Variants in SCAPER observed in about 807,000 individuals in gnomAD.
The protein encoded by SCAPER is S phase cyclin A-associated protein in the endoplasmic reticulum.
A neutral mutation model predicts 182.2 loss-of-function variants in SCAPER; 98 were observed. The ratio of observed to expected loss-of-function variants is 0.54; its 90% confidence interval spans 0.46 to 0.64. The LOEUF is 0.64. SCAPER is among the 30% of genes least tolerant of loss of function. The pLI is 0.00. For missense variants in SCAPER, 1,432 were observed against 1,690.0 expected, an observed-to-expected ratio of 0.85 and a Z score of 2.68; for synonymous variants, 605 against 564.6, an observed-to-expected ratio of 1.07 and a Z score of -1.01.
chr15:76,547,148 T>C (rs2045364199), intron 23 of SCAPER, among the ~76,000 whole-genome samples: 1 of 152,178 alleles, frequency 6.6e-6, no homozygotes, highest in African/African-American at 2.4e-5. Context: ...GGTTTCCATT[T>C]ACACTCTCAC....
intron 23 of SCAPER, among the ~76,000 whole-genome samples, chr15:76,547,249 G>A (rs1320242854): frequency 1.3e-5 from 2 of 152,098 alleles, no homozygotes; most frequent in Non-Finnish European, 2.9e-5. Flanking sequence ...GGACTAAAAT[G>A]TTCTTTTAAG....
In SCAPER at chr15:76,624,034, A is replaced by G. The variant is rs951063483; in HGVS notation, c.2646-2205T>C. Among the ~76,000 whole-genome samples the G allele has an allele frequency of 2.6e-5, 4 of 152,348 alleles. No individual in the cohort carries two copies. In the East Asian group the frequency reaches 5.8e-4, roughly 22 times the overall value. ...TCCACTCTCACCACTCCTATTCAAC[A>G]TATTTTAAGTCCTAGCCAGAGCAAT... On this transcript the variant is annotated intron_variant, in intron 21 of 31. Coordinates refer to ENST00000563290, the MANE Select transcript of SCAPER (RefSeq NM_020843.4).
intron 4 of SCAPER, among the ~76,000 whole-genome samples, chr15:76,844,079 C>A (rs972913567): frequency 3.9e-5 from 6 of 152,088 alleles, no homozygotes; most frequent in Admixed American, 6.6e-5. Flanking sequence ...CTCAAATTAA[C>A]TTAAGTGATG....
intron 15 of SCAPER, among the ~76,000 whole-genome samples, chr15:76,752,810 CTGCATAACATGAA>C (rs2062173991): frequency 6.6e-6 from 1 of 151,450 alleles, no homozygotes; most frequent in South Asian, 2.1e-4. Flanking sequence ...GTGGTGATGA[CTGCATAACATGAA>C]TGCATTAAAA....
intron 1 of SCAPER, among the ~76,000 whole-genome samples, chr15:76,885,053 G>A (rs1441683370): frequency 6.6e-6 from 1 of 152,132 alleles, no homozygotes. Context: ...ATAAGCACAC[G>A]GTTTCTTTAG....
chr15:76,388,869 G>A (rs2043462947), intron 27 of SCAPER, among the ~76,000 whole-genome samples: 1 of 151,820 alleles, frequency 6.6e-6, no homozygotes, highest in African/African-American at 2.4e-5. Context: ...GCTGAGGCAG[G>A]AGAATGGCTT....
intron 24 of SCAPER, among the ~76,000 whole-genome samples, chr15:76,497,989 C>CAAAAAAAAAAAAAAAAAAA (rs747096625): frequency 3.4e-5 from 2 of 58,322 alleles, no homozygotes; most frequent in African/African-American, 1.3e-4. Context: ...GACTCCGTCT[C>CAAAAAAAAAAAAAAAAAAA]AAAAAAAAAA....
At chr15:76,410,165 C>A (rs1313969703) in intron 26 of SCAPER, among the ~76,000 whole-genome samples, 1 of 152,146 alleles carries the variant, frequency 6.6e-6, no homozygotes, top group Non-Finnish European at 1.5e-5. Context: ...CAGGGCACCC[C>A]TATATTTGTA....
intron 25 of SCAPER, among the ~76,000 whole-genome samples, chr15:76,447,251 C>T (rs74562271): frequency 0.014 from 2,185 of 152,210 alleles, 53 homozygotes; most frequent in African/African-American, 0.051. Context: ...GCTTCTTTTC[C>T]TCATCCTATA....
At chr15:76,787,692 GCA>G (rs975190682) in intron 8 of SCAPER, among the ~76,000 whole-genome samples, 4 of 152,002 alleles carry the variant, frequency 2.6e-5, no homozygotes, top group African/African-American at 9.7e-5. Context: ...CACTTAAAAC[GCA>G]CACTTTATAC....
chr15:76,658,747 G>A (rs1359512542), intron 21 of SCAPER, among the ~76,000 whole-genome samples: 1 of 152,138 alleles, frequency 6.6e-6, no homozygotes, highest in Admixed American at 6.5e-5. Context: ...ACAGTAAAGA[G>A]AGTGCAGAAA....
intron 5 of SCAPER, among the ~76,000 whole-genome samples, chr15:76,809,891 A>G (rs1374561353): frequency 6.6e-6 from 1 of 152,210 alleles, no homozygotes; most frequent in Non-Finnish European, 1.5e-5. Context: ...AGGGGCCCCC[A>G]TAACACTATC....
Position 76,753,960 on chromosome 15 carries a change from G to C in SCAPER, c.1726-12C>G, listed in dbSNP as rs769366479. Reference sequence around the variant, plus strand: ...CGGACATCCTTCTCCTACGTATAGTGAATCATCACATCCTTAATTTCAATA... The same window carrying C: ...CGGACATCCTTCTCCTACGTATAGTCAATCATCACATCCTTAATTTCAATA... On this transcript the variant is annotated splice_polypyrimidine_tract_variant and intron_variant, in intron 14 of 31. Transcript: ENST00000563290. 1.4e-5 allele frequency: 22 copies of C among 1,609,078 alleles called. No individual in the cohort carries two copies. Among genetic ancestry groups the C allele is most frequent in the South Asian group, 2.2e-5 (2 of 90,294 alleles).
intron 26 of SCAPER, among the ~76,000 whole-genome samples, chr15:76,430,925 G>A (rs907444370): frequency 2.1e-4 from 32 of 152,240 alleles, no homozygotes; most frequent in Admixed American, 1.4e-3. Context: ...GGAGGGACCC[G>A]GTGGGAGGTA....
intron 23 of SCAPER, among the ~76,000 whole-genome samples, chr15:76,506,843 TTAAG>T (rs1232012112): frequency 6.6e-6 from 1 of 152,164 alleles, no homozygotes; most frequent in Non-Finnish European, 1.5e-5. Flanking sequence ...TGGGAGAACA[TTAAG>T]TAACAATTTT....
intron 21 of SCAPER, among the ~76,000 whole-genome samples, chr15:76,644,527 C>T (rs2054377268): frequency 6.6e-6 from 1 of 151,740 alleles, no homozygotes; most frequent in African/African-American, 2.4e-5. Context: ...ACCTAAAAGT[C>T]TGAGAACTGC....
intron 20 of SCAPER, among the ~76,000 whole-genome samples, chr15:76,673,095 G>C (rs2057140229): frequency 6.6e-6 from 1 of 152,080 alleles, no homozygotes; most frequent in African/African-American, 2.4e-5. Flanking sequence ...ATAAGCTAAA[G>C]ATTTTCTATC....
chr15:76,740,446 C>T lies in SCAPER; in HGVS notation c.1867-7062G>A, dbSNP rs145813324. Among the ~76,000 whole-genome samples the T allele has an allele frequency of 7.6e-3, 1,155 of 152,228 alleles. 7 individuals carry two copies. Among genetic ancestry groups the T allele is most frequent in the Non-Finnish European group, 9.7e-3 (659 of 67,994 alleles). On this transcript the variant is annotated intron_variant, in intron 15 of 31. Coordinates refer to ENST00000563290, the MANE Select transcript of SCAPER (RefSeq NM_020843.4). Reference sequence around the variant, plus strand: ...AGAATATCCTTATTAAATCATAAAACATTAAGAAAGAACAATAATTTTTCA... The same window carrying T: ...AGAATATCCTTATTAAATCATAAAATATTAAGAAAGAACAATAATTTTTCA...
intron 20 of SCAPER, among the ~76,000 whole-genome samples, chr15:76,695,320 GCA>G (rs2058593514): frequency 6.6e-6 from 1 of 152,094 alleles, no homozygotes; most frequent in Admixed American, 6.5e-5. Flanking sequence ...TTGTGGCCAG[GCA>G]CAGTGGCTCA....
Sources: allele counts gnomAD v4.1 joint callset (sites outside exome capture counted in the v4.1 genomes callset), GRCh38; gene constraint gnomAD v4.1.1; transcripts MANE v1.5; gene names NCBI Gene and HGNC (gene_info 2026-07-23, HGNC 2026-07-21).